The following WNT2B variants were observed in gnomAD, a reference collection of about 807,000 sequenced individuals.
WNT2B encodes the protein Wnt family member 2B.
A neutral mutation model predicts 40.5 loss-of-function variants in WNT2B; 19 were observed. The ratio of observed to expected loss-of-function variants is 0.47; its 90% CI spans 0.33 to 0.69. WNT2B has a LOEUF of 0.69. Ranked by LOEUF, WNT2B falls within the 30% of genes least tolerant of loss-of-function variation. The probability of loss-of-function intolerance (pLI) is 0.02; values close to 1 mark genes in which losing one functional copy is unlikely to be tolerated. For synonymous variants in WNT2B, 220 were observed against 211.9 expected (o/e 1.04, Z -0.33); for missense variants, 467 against 556.4 (o/e 0.84, Z 1.62).
At chr1:112,479,216 TG>T (rs1651144591) in intron 1 of WNT2B, among the ~76,000 whole-genome samples, 2 of 147,450 alleles carry the variant, frequency 1.4e-5, no homozygotes, top group Admixed American at 1.4e-4. Context: ...AGTGAAACTC[TG>T]TCTCAAAATA....
At chr1:112,481,978 C>T (rs1316052893) in intron 1 of WNT2B, among the ~76,000 whole-genome samples, 1 of 152,022 alleles carries the variant, frequency 6.6e-6, no homozygotes, top group African/African-American at 2.4e-5. Flanking sequence ...GAAACCCCAT[C>T]TCTACTAAAT....
chr1:112,518,429 A>G (rs1345574002), intron 4 of WNT2B: 1 of 152,240 alleles, frequency 6.6e-6, no homozygotes, highest in African/African-American at 2.4e-5. Context: ...GGAAGAGTCA[A>G]GTGGCTTGGA....
Position 112,515,135 on chromosome 1 carries a change from T to C in WNT2B, c.403+41T>C. ...ATCCTGTGTCAGCTCCTTCCCTTTC[T>C]GTGCTGGGGGTGGTGAGTGGGAAGA... is the stretch of plus-strand genomic sequence containing the variant. On this transcript the variant is annotated intron_variant, in intron 2 of 4. Coordinates refer to ENST00000369684, the MANE Select transcript of WNT2B (RefSeq NM_024494.3). The surrounding 1 kb of genome is among the most constrained non-coding windows in gnomAD (Gnocchi z 4.4). 7 of 1,596,128 alleles carry C rather than the reference T, an allele frequency of 4.4e-6. No homozygotes were observed. The highest frequency in any genetic ancestry group is 6.0e-6 in the Non-Finnish European group (7 of 1,169,802).
chr1:112,498,948 C>A (rs1452404010), intron 1 of WNT2B, among the ~76,000 whole-genome samples: 1 of 152,192 alleles, frequency 6.6e-6, no homozygotes, highest in East Asian at 1.9e-4. Context: ...TGGCTCACGC[C>A]TGTAATTCCA....
intron 1 of WNT2B, among the ~76,000 whole-genome samples, chr1:112,502,344 C>T (rs1051421146): frequency 4.6e-5 from 7 of 152,240 alleles, no homozygotes; most frequent in Non-Finnish European, 1.0e-4. Flanking sequence ...CCCCGCTCTC[C>T]CCTCTCTGGC....
chr1:112,520,718 G>A lies in WNT2B; in HGVS notation c.*209G>A. On this transcript the variant is annotated 3_prime_UTR_variant, in exon 5 of 5. Coordinates refer to ENST00000369684, the MANE Select transcript of WNT2B (RefSeq NM_024494.3). ...TCAGGGGATATAAGAAACTGAGCAA[G>A]CTCCCTGATTTCCCGCTCTGGAGAT... 1 of 599,750 alleles carries A rather than the reference G, an allele frequency of 1.7e-6. No homozygotes were observed. The highest frequency in any genetic ancestry group is 2.9e-6 in the Non-Finnish European group (1 of 340,986). The allele number at this position is 599,750 out of a possible 1,614,324, so 37.2% of individuals were successfully genotyped here.
At chr1:112,496,062 C>CATT (rs1478350662) in intron 1 of WNT2B, among the ~76,000 whole-genome samples, 1 of 152,198 alleles carries the variant, frequency 6.6e-6, no homozygotes, top group Non-Finnish European at 1.5e-5. Flanking sequence ...AATAGTGTCA[C>CATT]ATTAATAGTG....
At chr1:112,505,542 C>T (rs1397276978), upstream of WNT2B, among the ~76,000 whole-genome samples, 1 of 152,182 alleles carries the variant, frequency 6.6e-6, no homozygotes, top group Non-Finnish European at 1.5e-5. Flanking sequence ...AATGAAGATG[C>T]AGGTCAGGAG....
In WNT2B at chr1:112,515,188, C is replaced by T. The variant is rs1652483392; in HGVS notation, c.403+94C>T. 1 of 1,369,266 alleles carries T rather than the reference C, an allele frequency of 7.3e-7. No individual in the cohort carries two copies. The allele number at this position is 1,369,266 out of a possible 1,614,324, so 84.8% of individuals were successfully genotyped here. A position where few individuals can be genotyped will look rare whatever the true frequency, so the allele number is the denominator to read the frequency against. On this transcript the variant is annotated intron_variant, in intron 2 of 4. Transcript: ENST00000369684. This position sits in a 1 kb window ranked among gnomAD's most constrained non-coding sequence, Gnocchi z 4.4. ...AGGCAAGATCTCCCCTCTCCTCTCCCACACACTGTTTCATCATCAGAGAAA... is the reference window on the plus strand; with the variant it reads ...AGGCAAGATCTCCCCTCTCCTCTCCTACACACTGTTTCATCATCAGAGAAA...
chr1:112,510,767 A>C (rs974484505), intron 1 of WNT2B, among the ~76,000 whole-genome samples: 3 of 151,738 alleles, frequency 2.0e-5, no homozygotes, highest in Admixed American at 6.6e-5. Context: ...GGGGGAACAG[A>C]GAGGCCTATA....
At chr1:112,512,864 G>A (rs532010870) in intron 1 of WNT2B, among the ~76,000 whole-genome samples, 94 of 152,312 alleles carry the variant, frequency 6.2e-4, no homozygotes, top group African/African-American at 2.0e-3. Flanking sequence ...GTGGAGTCTT[G>A]AAGCCATTAC....
intron 1 of WNT2B, among the ~76,000 whole-genome samples, chr1:112,474,739 G>A (rs1256955197): frequency 2.0e-5 from 3 of 152,206 alleles, no homozygotes; most frequent in African/African-American, 7.2e-5. Context: ...ATGTCGAATT[G>A]TGATCTCCAA....
upstream of WNT2B, among the ~76,000 whole-genome samples, chr1:112,506,104 G>A (rs562151903): frequency 2.0e-4 from 31 of 152,236 alleles, no homozygotes; most frequent in African/African-American, 3.9e-4. Context: ...CTTCCTGGGC[G>A]TAAACAATCC....
At chr1:112,498,345 C>T (rs747403122) in intron 1 of WNT2B, among the ~76,000 whole-genome samples, 1 of 151,954 alleles carries the variant, frequency 6.6e-6, no homozygotes, top group Non-Finnish European at 1.5e-5. Context: ...CCTCTACCTC[C>T]TGGGTTCAAG....
chr1:112,467,943 TTC>T (rs1248901366), intron 1 of WNT2B, among the ~76,000 whole-genome samples: 1 of 152,184 alleles, frequency 6.6e-6, no homozygotes, highest in Non-Finnish European at 1.5e-5. Flanking sequence ...ATTAATCAAC[TTC>T]TCTTCATTCC....
intron 1 of WNT2B, among the ~76,000 whole-genome samples, chr1:112,514,232 G>T (rs889183667): frequency 2.0e-5 from 3 of 152,184 alleles, no homozygotes; most frequent in Non-Finnish European, 2.9e-5. Context: ...GTTAAGAAAG[G>T]CCCTGGGGCC....
intron 1 of WNT2B, among the ~76,000 whole-genome samples, chr1:112,493,539 T>G (rs1290010581): frequency 1.3e-5 from 2 of 152,084 alleles, no homozygotes; most frequent in Admixed American, 1.3e-4. Context: ...AGAGGATCAC[T>G]TGAGCCTGGG....
chr1:112,495,958 C>T (rs1651754217), intron 1 of WNT2B, among the ~76,000 whole-genome samples: 1 of 152,156 alleles, frequency 6.6e-6, no homozygotes, highest in Non-Finnish European at 1.5e-5. Context: ...AAAGGATAAA[C>T]TCCCTCTGTG....
At chr1:112,498,020 C>T (rs945440426) in intron 1 of WNT2B, among the ~76,000 whole-genome samples, 1 of 151,938 alleles carries the variant, frequency 6.6e-6, no homozygotes, top group Non-Finnish European at 1.5e-5. Context: ...CCGTCGTCAT[C>T]TAGATTTTAA....
Sources: allele counts gnomAD v4.1 joint callset (sites outside exome capture counted in the v4.1 genomes callset), GRCh38; gene constraint gnomAD v4.1.1; non-coding constraint Gnocchi (gnomAD v3.1); transcripts MANE v1.5; gene names NCBI Gene and HGNC (gene_info 2026-07-23, HGNC 2026-07-21).